The following PPP4R3B variants were observed in gnomAD, a reference collection of about 807,000 sequenced individuals.
The protein encoded by PPP4R3B is protein phosphatase 4 regulatory subunit 3B, also known as serine/threonine-protein phosphatase 4 regulatory subunit 3B.
In PPP4R3B, 52 loss-of-function variants were observed where a neutral mutation model predicts 95.4. The ratio of observed to expected loss-of-function variants is 0.54; its 90% CI spans 0.44 to 0.69. The LOEUF (loss-of-function observed/expected upper bound fraction) is 0.69. PPP4R3B is among the 30% of genes least tolerant of loss of function. PPP4R3B has a pLI of 0.00. For synonymous variants in PPP4R3B, 407 were observed against 343.9 expected (o/e 1.18, Z -2.03); for missense variants, 1,003 against 1,005.9 (o/e 1.00, Z 0.04).
At chr2:55,595,445 G>A (rs1030116544) in intron 4 of PPP4R3B, among the ~76,000 whole-genome samples, 2 of 151,950 alleles carry the variant, frequency 1.3e-5, no homozygotes, top group African/African-American at 4.8e-5. Context: ...GGGCAACACA[G>A]TGAGATCCTG....
In PPP4R3B at chr2:55,598,946, G is replaced by C. The variant is rs1401499896; in HGVS notation, c.391C>G (p.Leu131Val). ...RFEEMPETSH[L>V]IDLPTCELNK... is the part of the protein sequence containing the mutation. ...AGTTCACATGTGGGCAGGTCAATCA[G>C]ATGACTAGTTTCAGGCATTTCTTCA... The change falls in exon 4 of 17, where the codon CTG (leucine) becomes GTG (valine). Residue 131 changes from leucine to valine, a missense_variant. By Grantham distance (32) the Leu-to-Val change is conservative. Coordinates refer to ENST00000616407, the MANE Select transcript of PPP4R3B (RefSeq NM_001122964.3). 1 of 1,614,180 alleles carries C rather than the reference G, an allele frequency of 6.2e-7. No homozygotes were observed. Among genetic ancestry groups the C allele is most frequent in the South Asian group, 1.1e-5 (1 of 91,086 alleles).
intron 16 of PPP4R3B, among the ~76,000 whole-genome samples, chr2:55,557,214 G>A (rs1020466735): frequency 1.3e-5 from 2 of 152,172 alleles, no homozygotes; most frequent in African/African-American, 4.8e-5. Flanking sequence ...TCTTTTTTGA[G>A]CAGGGTCTCA....
intron 12 of PPP4R3B, among the ~76,000 whole-genome samples, chr2:55,572,306 T>C (rs1485676419): frequency 6.6e-6 from 1 of 152,262 alleles, no homozygotes; most frequent in East Asian, 1.9e-4. Flanking sequence ...AATTTTAAAG[T>C]TATCTGGAAA....
intron 16 of PPP4R3B, among the ~76,000 whole-genome samples, chr2:55,552,906 G>A (rs1685410172): frequency 6.6e-6 from 1 of 152,170 alleles, no homozygotes; most frequent in African/African-American, 2.4e-5. Context: ...ACAGAAACGA[G>A]AAACTGATTT....
chr2:55,613,876 G>C (rs1006825808), intron 2 of PPP4R3B, among the ~76,000 whole-genome samples: 24 of 151,386 alleles, frequency 1.6e-4, no homozygotes, highest in African/African-American at 5.8e-4. Context: ...CAAACTAAAA[G>C]TGATCATCTG....
In PPP4R3B at chr2:55,598,679, T is replaced by G; in HGVS notation, c.658A>C (p.Met220Leu). The G allele has an allele frequency of 6.2e-7, 1 of 1,614,228 alleles. No individual in the cohort carries two copies. The highest frequency in any genetic ancestry group is 8.5e-7 in the Non-Finnish European group (1 of 1,180,036). Residue 220 changes from methionine (M) to leucine (L), a missense_variant, in exon 4 of 17, where the codon ATG (methionine) becomes CTG (leucine). Physicochemically the swap from Met to Leu is conservative, Grantham distance 15. This residue lies in a region of PPP4R3B where 695 missense variants were observed against 686.2 expected (regional missense o/e 1.01). Coordinates refer to ENST00000616407, the MANE Select transcript of PPP4R3B (RefSeq NM_001122964.3). Reference protein sequence around the residue: ...FEVMFSDECIMDVVGCLEYDP... With the variant: ...FEVMFSDECILDVVGCLEYDP... ...TATTCAAGGCATCCCACGACATCCA[T>G]GATACACTCATCAGAAAACATTACC...
chr2:55,586,032 GA>G lies in PPP4R3B; in HGVS notation c.1116+585del, dbSNP rs556976040. 1.2e-3 allele frequency among the ~76,000 whole-genome samples: 185 copies of G among 149,220 alleles called. 1 individual carries two copies. The highest frequency in any genetic ancestry group is 0.01 in the Middle Eastern group (3 of 288). On this transcript the variant is annotated intron_variant, in intron 6 of 16. Transcript: ENST00000616407. ...AGCAAGGTACTAAAGGGATTAGCAGGAAAAAAAAAGTAAAAAACGGTACTCT... is the reference window on the plus strand; with the variant it reads ...AGCAAGGTACTAAAGGGATTAGCAGGAAAAAAAAGTAAAAAACGGTACTCT...
intron 7 of PPP4R3B, 46 bp downstream of exon 7, chr2:55,585,005 C>G (rs372857707): frequency 4.1e-4 from 540 of 1,318,954 alleles, no homozygotes; most frequent in Non-Finnish European, 5.4e-4. Context: ...GCAAACACTA[C>G]TCACTCTACA....
chr2:55,581,510 C>A, intron 8 of PPP4R3B, 57 bp downstream of exon 8: 1 of 1,532,794 alleles, frequency 6.5e-7, no homozygotes, highest in East Asian at 2.3e-5. Flanking sequence ...AATCTTATTA[C>A]AAAGCCACCT....
At chr2:55,595,712 AAT>A (rs1196772822) in intron 4 of PPP4R3B, among the ~76,000 whole-genome samples, 3 of 149,288 alleles carry the variant, frequency 2.0e-5, no homozygotes, top group Non-Finnish European at 3.0e-5. Flanking sequence ...AGTGTGTTGC[AAT>A]ATGTTCTTTA....
intron 16 of PPP4R3B, among the ~76,000 whole-genome samples, chr2:55,552,064 C>A (rs541464014): frequency 6.6e-6 from 1 of 152,068 alleles, no homozygotes; most frequent in Non-Finnish European, 1.5e-5. Flanking sequence ...TGTTTCTGCC[C>A]AAGATTAATA....
At chr2:55,602,653 T>C (rs190684303) in intron 3 of PPP4R3B, among the ~76,000 whole-genome samples, 164 of 152,346 alleles carry the variant, frequency 1.1e-3, no homozygotes, top group Non-Finnish European at 2.0e-3. Flanking sequence ...CAATACTGAA[T>C]GTATGCTGCC....
At chr2:55,588,055 A>C (rs1690406882) in intron 5 of PPP4R3B, among the ~76,000 whole-genome samples, 1 of 152,220 alleles carries the variant, frequency 6.6e-6, no homozygotes, top group African/African-American at 2.4e-5. Flanking sequence ...TGTTTGAAAA[A>C]AATGTCAAAC....
intron 5 of PPP4R3B, 64 bp downstream of exon 5, chr2:55,588,815 A>C: frequency 9.4e-7 from 1 of 1,063,778 alleles, no homozygotes; most frequent in Non-Finnish European, 1.4e-6. Flanking sequence ...AGCAAATTCA[A>C]GATTAAAAGC....
rs1460786633 is a variant in PPP4R3B at position 55,586,679 on chromosome 2, C to T, written c.1055G>A (p.Arg352Lys). The change falls in exon 6 of 17, where the codon AGG becomes AAG. Residue 352 changes from arginine to lysine, a missense_variant. Arg to Lys is a conservative substitution (Grantham distance 26, BLOSUM62 2). This residue lies in a region of PPP4R3B where 695 missense variants were observed against 686.2 expected (regional missense o/e 1.01). Transcript: ENST00000616407. The part of the protein sequence containing the change: ...AFSQTLQPQN[R>K]DAFFKTLAKL... ...TGCCAATGTTTTGAAAAATGCATCC[C>T]TGTTTTGAGGTTGTAATGTCTGAGA... is the stretch of plus-strand genomic sequence containing the variant. 1 of 1,610,410 alleles carries T rather than the reference C, an allele frequency of 6.2e-7. No individual in the cohort carries two copies. The highest frequency in any genetic ancestry group is 2.2e-5 in the East Asian group (1 of 44,708).
At chr2:55,559,116 G>A (rs2103855962) in intron 15 of PPP4R3B, 148 bp from the exon 16 acceptor site, 3 of 594,884 alleles carry the variant, frequency 5.0e-6, no homozygotes, top group East Asian at 3.0e-5. Flanking sequence ...GGGAGGCTGA[G>A]GCAGGCAGAT....
At chr2:55,562,761 C>G (rs758902040) in intron 15 of PPP4R3B, among the ~76,000 whole-genome samples, 4 of 152,210 alleles carry the variant, frequency 2.6e-5, no homozygotes, top group Non-Finnish European at 4.4e-5. Flanking sequence ...TGCTAGAACT[C>G]TACATTGTGG....
At chr2:55,590,285 C>G (rs1421352277) in intron 4 of PPP4R3B, among the ~76,000 whole-genome samples, 1 of 151,994 alleles carries the variant, frequency 6.6e-6, no homozygotes, top group African/African-American at 2.4e-5. Context: ...CGAGATTGCG[C>G]CATTGCAGTC....
chr2:55,589,474 C>T (rs1384872589), intron 4 of PPP4R3B, among the ~76,000 whole-genome samples: 1 of 152,134 alleles, frequency 6.6e-6, no homozygotes, highest in African/African-American at 2.4e-5. Context: ...AACTGGTGCA[C>T]AGTTTTACAC....
Sources: allele counts gnomAD v4.1 joint callset (sites outside exome capture counted in the v4.1 genomes callset), GRCh38; gene constraint gnomAD v4.1.1; regional missense constraint gnomAD v4.1.1; transcripts MANE v1.5; gene names NCBI Gene and HGNC (gene_info 2026-07-23, HGNC 2026-07-21).